The following PCDHA5 variants were observed in gnomAD, a reference collection of about 807,000 sequenced individuals.
PCDHA5 encodes protocadherin alpha 5.
PCDHA5 carries 43 observed loss-of-function variants against 61.6 expected under a neutral mutation model. That is an observed-to-expected ratio of 0.70 (90% CI 0.55 to 0.90). PCDHA5 has a LOEUF of 0.90. PCDHA5 is among the 40% of genes least tolerant of loss of function. The pLI is 0.00. For missense variants in PCDHA5, 1,298 were observed against 1,222.7 expected (o/e 1.06, Z -0.92); for synonymous variants, 627 against 543.9 (o/e 1.15, Z -2.13).
chr5:140,923,220 G>A (rs1264496576), intron 1 of PCDHA5, among the ~76,000 whole-genome samples: 5 of 71,932 alleles, frequency 7.0e-5, no homozygotes, highest in African/African-American at 2.1e-4. Flanking sequence ...TGAAAGGATC[G>A]TTTGAGCCCA....
At chr5:140,920,910 A>C (rs2153559145) in intron 1 of PCDHA5, among the ~76,000 whole-genome samples, 1 of 151,920 alleles carries the variant, frequency 6.6e-6, no homozygotes, top group East Asian at 1.9e-4. Context: ...TTCTCAAATC[A>C]GTTCCAAGAG....
intron 1 of PCDHA5, chr5:140,850,022 A>C: frequency 6.3e-7 from 1 of 1,596,794 alleles, no homozygotes; most frequent in Admixed American, 1.7e-5. Context: ...GCTACGTGTC[A>C]GTGCACGCGG....
Position 140,856,604 on chromosome 5 carries a change from GA to G in PCDHA5, c.2352+32478del, listed in dbSNP as rs782310012. On this transcript the variant is annotated intron_variant, in intron 1 of 3. Transcript: ENST00000529859. ...TGTTCTTGATATTATAAACAAAAAA[GA>G]CAAAGACAAATTCCCAGTGCTTGTT... 3.6e-5 allele frequency: 57 copies of G among 1,597,724 alleles called. 2 individuals are homozygous for G. In the African/African-American group the frequency reaches 6.7e-4, roughly 19 times the overall value.
intron 1 of PCDHA5, among the ~76,000 whole-genome samples, chr5:140,879,556 A>G (rs2058036538): frequency 6.6e-6 from 1 of 152,240 alleles, no homozygotes; most frequent in South Asian, 2.1e-4. Context: ...AAAATAATCC[A>G]TGAAAGAATA....
chr5:140,969,428 CAA>C lies in PCDHA5; in HGVS notation c.2353-9520_2353-9519del, dbSNP rs2096329692. The stretch of plus-strand genomic sequence containing the variant: ...GGCTTTATTGAGTCATTAACAGTGA[CAA>C]GAGTTATCTGGTAAACTGAGTATAT... On this transcript the variant is annotated intron_variant, in intron 1 of 3. Coordinates refer to ENST00000529859, the MANE Select transcript of PCDHA5 (RefSeq NM_018908.3). 8.4e-6 allele frequency: 13 copies of C among 1,555,028 alleles called. No homozygotes were observed. The East Asian group carries it at 1.4e-4, about 17-fold the overall frequency.
intron 1 of PCDHA5, chr5:140,866,520 T>C (rs1294227332): frequency 6.6e-6 from 1 of 152,150 alleles, no homozygotes; most frequent in Non-Finnish European, 1.5e-5. Context: ...GACTAAGCCA[T>C]GATAGAGCAG....
intron 1 of PCDHA5, among the ~76,000 whole-genome samples, chr5:140,959,857 T>G (rs1287315295): frequency 1.3e-5 from 2 of 152,204 alleles, no homozygotes; most frequent in African/African-American, 2.4e-5. Flanking sequence ...AAAGGAATTA[T>G]GTAGCAAAAT....
chr5:141,007,181 G>A (rs372000063), intron 3 of PCDHA5, among the ~76,000 whole-genome samples: 1 of 152,134 alleles, frequency 6.6e-6, no homozygotes, highest in East Asian at 1.9e-4. Context: ...AAGGTCAGGA[G>A]AATGTTTTGA....
chr5:140,983,399 G>C (rs1486206101), intron 3 of PCDHA5, among the ~76,000 whole-genome samples: 1 of 152,148 alleles, frequency 6.6e-6, no homozygotes, highest in East Asian at 1.9e-4. Context: ...TTTCAGAAAG[G>C]GAAGATTAAG....
chr5:140,870,347 AGAACGTGTGGGCCTAT>A (rs782552389), intron 1 of PCDHA5: 3 of 1,614,176 alleles, frequency 1.9e-6, no homozygotes, highest in Non-Finnish European at 2.5e-6. Flanking sequence ...CTGGACCGCG[AGAACGTGTGGGCCTAT>A]GAACTGGTGG....
chr5:140,979,405 C>A (rs2096849045), intron 2 of PCDHA5, among the ~76,000 whole-genome samples: 1 of 151,828 alleles, frequency 6.6e-6, no homozygotes, highest in Non-Finnish European at 1.5e-5. Flanking sequence ...TGTTGTCTAC[C>A]TTGTTTTTTT....
intron 3 of PCDHA5, among the ~76,000 whole-genome samples, chr5:141,007,395 C>CAAAAAAAAAA (rs35800918): frequency 8.4e-5 from 8 of 94,862 alleles, no homozygotes; most frequent in African/African-American, 1.7e-4. Flanking sequence ...TACTAAAATA[C>CAAAAAAAAAA]AAAAAAAAAA....
intron 1 of PCDHA5, chr5:140,863,119 A>G: frequency 1.7e-6 from 1 of 591,284 alleles, no homozygotes. Context: ...GGCGAAAGCT[A>G]CGCGCCACCG....
chr5:140,843,487 G>C, intron 1 of PCDHA5: 1 of 1,596,050 alleles, frequency 6.3e-7, no homozygotes, highest in Non-Finnish European at 8.6e-7. Context: ...CTGCGCTGCG[G>C]TGCTCAGCAC....
chr5:140,995,905 G>C (rs1346539389), intron 3 of PCDHA5, among the ~76,000 whole-genome samples: 1 of 152,186 alleles, frequency 6.6e-6, no homozygotes, highest in Non-Finnish European at 1.5e-5. Flanking sequence ...GTATAAAAGA[G>C]GAGAGACCAT....
intron 1 of PCDHA5, chr5:140,884,108 G>T: frequency 1.9e-6 from 3 of 1,613,402 alleles, no homozygotes; most frequent in Non-Finnish European, 2.5e-6. Context: ...ATTGCAGCTG[G>T]CGGCGGTCGG....
At chr5:140,877,109 G>T (rs370191624) in intron 1 of PCDHA5, 1 of 1,613,590 alleles carries the variant, frequency 6.2e-7, no homozygotes, top group South Asian at 1.1e-5. Flanking sequence ...CCGCCTCTGG[G>T]CAGCAACGTG....
At chr5:140,975,784 A>G (rs1216156931) in intron 1 of PCDHA5, among the ~76,000 whole-genome samples, 1 of 151,914 alleles carries the variant, frequency 6.6e-6, no homozygotes, top group Non-Finnish European at 1.5e-5. Flanking sequence ...CCATTACAAG[A>G]TAAATTAAAT....
At chr5:140,992,606 G>A (rs1554253052) in intron 3 of PCDHA5, among the ~76,000 whole-genome samples, 1 of 152,188 alleles carries the variant, frequency 6.6e-6, no homozygotes. Flanking sequence ...CTGTGTCTAA[G>A]TGAAAGCAGA....
Sources: allele counts gnomAD v4.1 joint callset (sites outside exome capture counted in the v4.1 genomes callset), GRCh38; gene constraint gnomAD v4.1.1; transcripts MANE v1.5; gene names NCBI Gene and HGNC (gene_info 2026-07-23, HGNC 2026-07-21).